The following PPP4R4 variants were observed in gnomAD, a reference collection of about 807,000 sequenced individuals.
PPP4R4 encodes the protein serine/threonine-protein phosphatase 4 regulatory subunit 4.
PPP4R4 carries 70 observed loss-of-function variants against 121.8 expected under a neutral mutation model. The observed-to-expected ratio is 0.57, with a 90% confidence interval of 0.47 to 0.70. PPP4R4 has a LOEUF of 0.70. Among genes scored for constraint, PPP4R4 ranks in the 30% least tolerant of loss-of-function variants. The pLI is 0.00. For missense variants in PPP4R4, 875 were observed against 1,033.6 expected, an observed-to-expected ratio of 0.85 and a Z score of 2.10; for synonymous variants, 348 against 355.7, an observed-to-expected ratio of 0.98 and a Z score of 0.24.
At chr14:94,264,568 C>T (rs1206529054) in intron 19 of PPP4R4, among the ~76,000 whole-genome samples, 1 of 152,084 alleles carries the variant, frequency 6.6e-6, no homozygotes, top group Non-Finnish European at 1.5e-5. Flanking sequence ...GAAATTGAAA[C>T]GACCAAAGTA....
At chr14:94,267,293 G>A (rs539214794) in intron 23 of PPP4R4, among the ~76,000 whole-genome samples, 18 of 152,168 alleles carry the variant, frequency 1.2e-4, no homozygotes, top group Non-Finnish European at 2.1e-4. Flanking sequence ...GCCATACTGG[G>A]AAGGTTTACT....
At position 94,250,954 on chromosome 14, in the gene PPP4R4, A is replaced by G. The variant is rs190570340; in HGVS notation, c.1717+677A>G. Reference sequence around the variant, plus strand: ...GATTTTCTAGTTATTGGAGTTTACCAGTTTAAGTGTGTATCACTACTTTTC... The same window carrying G: ...GATTTTCTAGTTATTGGAGTTTACCGGTTTAAGTGTGTATCACTACTTTTC... On this transcript the variant is annotated intron_variant, in intron 15 of 24. Coordinates refer to ENST00000304338, the MANE Select transcript of PPP4R4 (RefSeq NM_058237.2). Among the ~76,000 whole-genome samples, 882 of 152,124 alleles carry G rather than the reference A, an allele frequency of 5.8e-3. 10 individuals carry two copies. The highest frequency in any genetic ancestry group is 0.02 in the African/African-American group (849 of 41,564).
Position 94,250,290 on chromosome 14 carries a change from T to C in PPP4R4, c.1717+13T>C. The C allele has an allele frequency of 6.5e-7, 1 of 1,546,178 alleles. No homozygotes were observed. The highest frequency in any genetic ancestry group is 8.9e-7 in the Non-Finnish European group (1 of 1,120,084). On this transcript the variant is annotated intron_variant, in intron 15 of 24. Coordinates refer to ENST00000304338, the MANE Select transcript of PPP4R4 (RefSeq NM_058237.2). ...AAATTAATTGAACGTAAGTAATCAT[T>C]GTCTACTATTTTGAAAAAGGAAAGT...
Position 94,256,581 on chromosome 14 carries a change from G to A in PPP4R4, c.1987G>A (p.Asp663Asn). The change falls in exon 17 of 25, where the codon GAT (aspartate) becomes AAT (asparagine). Residue 663 changes from aspartate to asparagine, a missense_variant. By Grantham distance (23) the Asp-to-Asn change is conservative. Transcript: ENST00000304338. ...ACTCCTGTGTCAAGAAAAAGATAAA[G>A]ATGTTCTGGCTATTGTAAAAAGAGT... ...RKLLCQEKDK[D>N]VLAIVKRTVL... 6.2e-7 allele frequency: 1 copy of A among 1,607,616 alleles called. No homozygotes were observed. Among genetic ancestry groups the A allele is most frequent in the Non-Finnish European group, 8.5e-7 (1 of 1,175,400 alleles).
intron 3 of PPP4R4, among the ~76,000 whole-genome samples, chr14:94,214,332 A>G (rs569267208): frequency 7.2e-5 from 11 of 152,140 alleles, no homozygotes; most frequent in Non-Finnish European, 1.5e-4. Flanking sequence ...GAAATATATA[A>G]TAAAGAAAGG....
At chr14:94,186,482 A>G (rs1309319037) in intron 2 of PPP4R4, among the ~76,000 whole-genome samples, 1 of 152,184 alleles carries the variant, frequency 6.6e-6, no homozygotes, top group Non-Finnish European at 1.5e-5. Context: ...GGTATAACAC[A>G]TCTTGTTTAT....
At chr14:94,213,497 A>G (rs924736183) in intron 3 of PPP4R4, among the ~76,000 whole-genome samples, 4 of 152,108 alleles carry the variant, frequency 2.6e-5, no homozygotes, top group Non-Finnish European at 5.9e-5. Flanking sequence ...AGAAATTGTA[A>G]ATGTTACCTT....
intron 10 of PPP4R4, 127 bp downstream of exon 10, chr14:94,242,084 T>A: frequency 8.8e-7 from 1 of 1,140,240 alleles, no homozygotes; most frequent in Non-Finnish European, 1.2e-6. Context: ...ATACATAGTA[T>A]GTGCAGAGTA....
intron 2 of PPP4R4, among the ~76,000 whole-genome samples, chr14:94,185,904 A>G (rs895361643): frequency 3.9e-5 from 6 of 152,124 alleles, no homozygotes; most frequent in Non-Finnish European, 7.4e-5. Context: ...AATATAGAAC[A>G]TTTTCATCAC....
At position 94,175,624 on chromosome 14, in the gene PPP4R4, C is replaced by A. The variant is rs186490850; in HGVS notation, c.118-430C>A. On this transcript the variant is annotated intron_variant, in intron 1 of 24. Coordinates refer to ENST00000304338, the MANE Select transcript of PPP4R4 (RefSeq NM_058237.2). ...TCCCTCCCCCACTCCAGATCTTGTC[C>A]TTTTCATGCCTACTCGGCTGCAGTC... The A allele has an allele frequency of 2.9e-3, 481 of 165,752 alleles. 2 individuals are homozygous for A. The highest frequency in any genetic ancestry group is 0.011 in the African/African-American group (463 of 41,952). The allele number at this position is 165,752 out of a possible 1,614,324, so 10.3% of individuals were successfully genotyped here.
At chr14:94,235,785 A>C (rs573329318) in intron 7 of PPP4R4, among the ~76,000 whole-genome samples, 1 of 152,132 alleles carries the variant, frequency 6.6e-6, no homozygotes, top group African/African-American at 2.4e-5. Context: ...ATCTCATTTC[A>C]ATCTTAGAAG....
In PPP4R4 at chr14:94,176,085, A is replaced by T; in HGVS notation, c.149A>T (p.Asp50Val). ...GAAGAAATAGAAAGATTGACAGTCG[A>T]TGAAGACCTCAGTGATATTGAAAGG... is the stretch of plus-strand genomic sequence containing the variant. Reference protein sequence around the residue: ...TPEEIERLTVDEDLSDIERAV... With the variant: ...TPEEIERLTVVEDLSDIERAV... The change falls in exon 2 of 25, where the codon GAT becomes GTT. Residue 50 changes from aspartate (D) to valine (V), a missense_variant. Transcript: ENST00000304338. 2 of 1,612,848 alleles carry T rather than the reference A, an allele frequency of 1.2e-6. No homozygotes were observed. Among genetic ancestry groups the T allele is most frequent in the Non-Finnish European group, 1.7e-6 (2 of 1,178,788 alleles).
Position 94,265,352 on chromosome 14 carries a change from G to A in PPP4R4, c.2198-35G>A, listed in dbSNP as rs750577440. On this transcript the variant is annotated intron_variant, in intron 20 of 24. Transcript: ENST00000304338. ...TTATGGAGATTAATAAGGACTTAGA[G>A]GAAATTATACAACTTAAAGCAGAAT... 7 of 1,473,640 alleles carry A rather than the reference G, an allele frequency of 4.8e-6. No homozygotes were observed. In the South Asian group the frequency reaches 8.0e-5, roughly 17 times the overall value. 91.3% of individuals were successfully genotyped at this position (1,473,640 alleles called of 1,614,324 possible). A position where few individuals can be genotyped will look rare whatever the true frequency, so the allele number is the denominator to read the frequency against.
At chr14:94,221,823 A>G (rs2139498329) in intron 3 of PPP4R4, among the ~76,000 whole-genome samples, 1 of 152,182 alleles carries the variant, frequency 6.6e-6, no homozygotes, top group East Asian at 1.9e-4. Flanking sequence ...TACATCTACT[A>G]TATTACTCAG....
chr14:94,235,388 C>CTTTTTTTTTT (rs34881107), intron 7 of PPP4R4, among the ~76,000 whole-genome samples: 3 of 50,812 alleles, frequency 5.9e-5, no homozygotes, highest in African/African-American at 1.8e-4. Flanking sequence ...TCTCCTTGTT[C>CTTTTTTTTTT]TTTTTTTTTT....
Position 94,216,192 on chromosome 14 carries a change from C to T in PPP4R4, c.294+7626C>T, listed in dbSNP as rs954994858. ...TCACTTCCATTTAGGATATAGAAAG[C>T]TGCAAGAGAACATCACTCTTATTCT... On this transcript the variant is annotated intron_variant, in intron 3 of 24. Coordinates refer to ENST00000304338, the MANE Select transcript of PPP4R4 (RefSeq NM_058237.2). 5.9e-5 allele frequency among the ~76,000 whole-genome samples: 9 copies of T among 152,206 alleles called. 1 individual carries two copies. The highest frequency in any genetic ancestry group is 3.3e-4 in the Admixed American group (5 of 15,276).
At chr14:94,217,809 A>G (rs11621537) in intron 3 of PPP4R4, among the ~76,000 whole-genome samples, 2,269 of 152,312 alleles carry the variant, frequency 0.015, 37 homozygotes, top group Non-Finnish European at 0.018. Context: ...AGTCTGACCA[A>G]CATGGAGAAA....
rs185475587 is a variant in PPP4R4, at chr14:94,199,144, A to T, written c.192-9320A>T. On this transcript the variant is annotated intron_variant, in intron 2 of 24. Coordinates refer to ENST00000304338, the MANE Select transcript of PPP4R4 (RefSeq NM_058237.2). ...ACATCTTAACAGTATTGAGTCTTTGATACTTGAATATATTTAGTTCTTCTT... is the reference window on the plus strand; with the variant it reads ...ACATCTTAACAGTATTGAGTCTTTGTTACTTGAATATATTTAGTTCTTCTT... 3.9e-5 allele frequency among the ~76,000 whole-genome samples: 6 copies of T among 152,356 alleles called. No individual in the cohort carries two copies. The East Asian group carries it at 9.6e-4, about 24-fold the overall frequency.
At chr14:94,228,829 A>G (rs910425684) in intron 3 of PPP4R4, among the ~76,000 whole-genome samples, 5 of 152,190 alleles carry the variant, frequency 3.3e-5, no homozygotes, top group African/African-American at 1.2e-4. Context: ...CCATAAACAA[A>G]TAAATATGTT....
Sources: allele counts gnomAD v4.1 joint callset (sites outside exome capture counted in the v4.1 genomes callset), GRCh38; gene constraint gnomAD v4.1.1; transcripts MANE v1.5; gene names NCBI Gene and HGNC (gene_info 2026-07-23, HGNC 2026-07-21).